The following DLGAP2 variants were observed in gnomAD, a reference collection of about 807,000 sequenced individuals.
The protein encoded by DLGAP2 is disks large-associated protein 2.
Under a neutral mutation model 100.3 loss-of-function variants are expected in DLGAP2, and 26 were observed. The observed-to-expected ratio is 0.26, with a 90% CI of 0.19 to 0.36. The LOEUF (loss-of-function observed/expected upper bound fraction) is 0.36. DLGAP2 is among the 10% of genes least tolerant of loss of function. The pLI is 1.00. For synonymous variants in DLGAP2, 886 were observed against 630.1 expected (o/e 1.41, Z -6.08); for missense variants, 1,858 against 1,453.2 (o/e 1.28, Z -4.53).
At chr8:893,877 T>G (rs1563083273) in intron 1 of DLGAP2, among the ~76,000 whole-genome samples, 1 of 152,164 alleles carries the variant, frequency 6.6e-6, no homozygotes, top group Non-Finnish European at 1.5e-5. Flanking sequence ...ACAATGCGGA[T>G]GTGGTTGTCT....
At chr8:875,976 G>A (rs1049393743) in intron 1 of DLGAP2, among the ~76,000 whole-genome samples, 8 of 152,050 alleles carry the variant, frequency 5.3e-5, no homozygotes, top group African/African-American at 1.4e-4. Context: ...TGTTGCAAAC[G>A]CAACAGCACA....
chr8:1,112,458 T>C (rs1207664200), intron 2 of DLGAP2, among the ~76,000 whole-genome samples: 1 of 152,162 alleles, frequency 6.6e-6, no homozygotes, highest in East Asian at 1.9e-4. Flanking sequence ...GCCAGGATGG[T>C]CTCGATCTCC....
intron 3 of DLGAP2, among the ~76,000 whole-genome samples, chr8:1,279,619 C>T (rs559580048): frequency 2.1e-4 from 32 of 152,310 alleles, no homozygotes; most frequent in African/African-American, 5.8e-4. Context: ...CTGGGAATGG[C>T]GTAGCTGGGT....
chr8:1,021,299 G>C (rs537976581), intron 2 of DLGAP2, among the ~76,000 whole-genome samples: 1 of 152,098 alleles, frequency 6.6e-6, no homozygotes, highest in Non-Finnish European at 1.5e-5. Flanking sequence ...CCTAAAATAC[G>C]ATATATTTTG....
intron 3 of DLGAP2, among the ~76,000 whole-genome samples, chr8:1,374,673 G>T (rs920280088): frequency 5.9e-5 from 9 of 152,136 alleles, no homozygotes; most frequent in African/African-American, 2.2e-4. Context: ...TTTCTGAGTC[G>T]TTTGGATTCT....
chr8:1,519,791 C>T (rs1800523272), intron 4 of DLGAP2, among the ~76,000 whole-genome samples: 1 of 152,274 alleles, frequency 6.6e-6, no homozygotes, highest in African/African-American at 2.4e-5. Flanking sequence ...CCCTGTGCTG[C>T]CTGTCACAGT....
chr8:1,122,704 C>G (rs890881108), intron 2 of DLGAP2, among the ~76,000 whole-genome samples: 1 of 151,876 alleles, frequency 6.6e-6, no homozygotes, highest in Non-Finnish European at 1.5e-5. Context: ...AAGCTATACT[C>G]CCTTTCTTCC....
chr8:1,199,827 A>G (rs942113239), intron 2 of DLGAP2, among the ~76,000 whole-genome samples: 32 of 117,074 alleles, frequency 2.7e-4, no homozygotes, highest in African/African-American at 1.0e-3. Context: ...TGAAGAGGGA[A>G]AAAAAATAAC....
intron 1 of DLGAP2, among the ~76,000 whole-genome samples, chr8:863,190 T>C (rs937105928): frequency 2.0e-5 from 3 of 152,148 alleles, no homozygotes; most frequent in Non-Finnish European, 4.4e-5. Context: ...GACCAGCCTA[T>C]TTTGTGGAAG....
At chr8:1,633,624 C>T (rs188439646) in intron 8 of DLGAP2, among the ~76,000 whole-genome samples, 25 of 152,280 alleles carry the variant, frequency 1.6e-4, no homozygotes, top group African/African-American at 6.0e-4. Flanking sequence ...ATATCACTGC[C>T]TAATATTTTA....
chr8:1,468,738 G>A (rs1399763338), intron 3 of DLGAP2, among the ~76,000 whole-genome samples: 2 of 150,850 alleles, frequency 1.3e-5, no homozygotes, highest in Admixed American at 6.6e-5. Context: ...CATTCTGGAT[G>A]CCAGAAGACC....
At chr8:1,368,203 T>C (rs941917776) in intron 3 of DLGAP2, among the ~76,000 whole-genome samples, 1 of 152,144 alleles carries the variant, frequency 6.6e-6, no homozygotes, top group African/African-American at 2.4e-5. Flanking sequence ...TGTGTACGTG[T>C]GTGTCCATAT....
At chr8:1,027,881 AG>A (rs1270801515) in intron 2 of DLGAP2, among the ~76,000 whole-genome samples, 26 of 144,118 alleles carry the variant, frequency 1.8e-4, no homozygotes, top group Middle Eastern at 4.7e-3. Context: ...GTTATTCTCC[AG>A]GTGGGGTGCC....
chr8:1,644,347 C>T (rs1409028656), intron 8 of DLGAP2, among the ~76,000 whole-genome samples: 1 of 152,216 alleles, frequency 6.6e-6, no homozygotes, highest in African/African-American at 2.4e-5. Flanking sequence ...GGTTGCAAAC[C>T]CCAGTGACCC....
At chr8:1,494,940 G>A (rs1192238444) in intron 3 of DLGAP2, among the ~76,000 whole-genome samples, 1 of 152,174 alleles carries the variant, frequency 6.6e-6, no homozygotes, top group Non-Finnish European at 1.5e-5. Context: ...GATCACTCCT[G>A]GCGTAATGAC....
At chr8:1,165,894 C>A (rs896094938) in intron 2 of DLGAP2, among the ~76,000 whole-genome samples, 5 of 150,868 alleles carry the variant, frequency 3.3e-5, no homozygotes, top group African/African-American at 1.2e-4. Flanking sequence ...CATAGATGTG[C>A]CACTTTTAAG....
chr8:1,080,056 C>G (rs900339212), intron 2 of DLGAP2, among the ~76,000 whole-genome samples: 3 of 152,204 alleles, frequency 2.0e-5, no homozygotes, highest in African/African-American at 7.2e-5. Flanking sequence ...GTTTTGTCCT[C>G]AAGCGTATGA....
intron 3 of DLGAP2, chr8:1,381,063 T>C (rs1796082735): frequency 6.6e-6 from 1 of 151,624 alleles, no homozygotes; most frequent in South Asian, 2.1e-4. Flanking sequence ...AAATCAAAAT[T>C]AGACTTAAGA....
intron 2 of DLGAP2, among the ~76,000 whole-genome samples, chr8:958,868 A>C (rs1799657553): frequency 6.6e-6 from 1 of 152,208 alleles, no homozygotes; most frequent in Admixed American, 6.5e-5. Flanking sequence ...AGTTGCTCGG[A>C]AATCTTATAC....
Sources: gnomAD v4.1 joint callset for allele counts (sites outside exome capture counted in the v4.1 genomes callset) on GRCh38, gnomAD v4.1.1 for gene constraint, MANE v1.5 for transcripts, NCBI Gene and HGNC (gene_info 2026-07-23, HGNC 2026-07-21) for gene names.